The following SOX5 variants were observed in gnomAD, a reference collection of about 807,000 sequenced individuals.
SOX5 encodes the protein SRY-box transcription factor 5.
SOX5 carries 9 observed loss-of-function variants against 92.0 expected under a neutral mutation model. The ratio of observed to expected loss-of-function variants is 0.10; its 90% CI spans 0.06 to 0.17. SOX5 has a LOEUF of 0.17. Ranked by LOEUF, SOX5 falls within the 10% of genes least tolerant of loss-of-function variation. The pLI is 1.00. For synonymous variants in SOX5, 344 were observed against 336.3 expected (o/e 1.02, Z -0.25); for missense variants, 642 against 944.5 (o/e 0.68, Z 4.20).
chr12:24,346,955 T>C (rs7977171), intron 2 of SOX5, among the ~76,000 whole-genome samples: 74,315 of 151,832 alleles, frequency 0.49, 19,092 homozygotes, highest in Non-Finnish European at 0.59. Context: ...TGCAGCACAC[T>C]AACACGGCAC....
At chr12:24,532,841 T>G (rs1951310132) in intron 1 of SOX5, among the ~76,000 whole-genome samples, 1 of 152,188 alleles carries the variant, frequency 6.6e-6, no homozygotes, top group Non-Finnish European at 1.5e-5. Flanking sequence ...TGGAGGACAC[T>G]AAATGAATCA....
intron 2 of SOX5, among the ~76,000 whole-genome samples, chr12:24,306,091 T>C (rs1450172350): frequency 6.6e-6 from 1 of 152,192 alleles, no homozygotes; most frequent in Non-Finnish European, 1.5e-5. Flanking sequence ...TGTATCACTC[T>C]CTGCTTAAGA....
chr12:24,364,608 T>C (rs1048636437), intron 2 of SOX5, among the ~76,000 whole-genome samples: 5 of 149,776 alleles, frequency 3.3e-5, no homozygotes, highest in African/African-American at 1.2e-4. Context: ...CCAAACTCTA[T>C]TGATGACTGA....
At chr12:23,755,123 G>GCTGGATGT (rs2094321690) in intron 4 of SOX5, among the ~76,000 whole-genome samples, 1 of 151,674 alleles carries the variant, frequency 6.6e-6, no homozygotes, top group Admixed American at 6.6e-5. Flanking sequence ...TAGTTTTATA[G>GCTGGATGT]AACTTTTCTT....
chr12:23,707,552 G>A (rs937213803), intron 6 of SOX5, among the ~76,000 whole-genome samples: 3 of 152,062 alleles, frequency 2.0e-5, no homozygotes, highest in Non-Finnish European at 4.4e-5. Flanking sequence ...AATATACAGA[G>A]AGCAACGATT....
intron 8 of SOX5, among the ~76,000 whole-genome samples, chr12:23,627,146 G>C (rs1233772421): frequency 6.6e-6 from 1 of 152,114 alleles, no homozygotes; most frequent in Non-Finnish European, 1.5e-5. Flanking sequence ...CCTTCCAAGA[G>C]GAATGTTTGT....
intron 1 of SOX5, among the ~76,000 whole-genome samples, chr12:23,907,781 T>C (rs940540789): frequency 1.3e-5 from 2 of 152,028 alleles, no homozygotes; most frequent in Non-Finnish European, 2.9e-5. Flanking sequence ...GGAAAGAATA[T>C]CTATTCAGGC....
chr12:23,621,559 T>C (rs532847821), intron 8 of SOX5, among the ~76,000 whole-genome samples: 5 of 152,274 alleles, frequency 3.3e-5, no homozygotes, highest in African/African-American at 1.2e-4. Context: ...AATTTCCTCC[T>C]ATTTTATTCC....
At chr12:24,297,192 G>A (rs958897996) in intron 2 of SOX5, among the ~76,000 whole-genome samples, 5 of 152,030 alleles carry the variant, frequency 3.3e-5, no homozygotes, top group Non-Finnish European at 7.4e-5. Context: ...CCTGTAATTC[G>A]GTGAAAATTT....
At chr12:24,171,816 A>T (rs1488574930) in intron 4 of SOX5, among the ~76,000 whole-genome samples, 1 of 152,004 alleles carries the variant, frequency 6.6e-6, no homozygotes, top group Non-Finnish European at 1.5e-5. Flanking sequence ...TGGGCAACAC[A>T]GCAAGACCCT....
chr12:24,271,732 T>C (rs956049023), intron 3 of SOX5, among the ~76,000 whole-genome samples: 2 of 152,186 alleles, frequency 1.3e-5, no homozygotes, highest in Non-Finnish European at 2.9e-5. Flanking sequence ...AAAAATTTAT[T>C]TCTCCACTTT....
intron 1 of SOX5, among the ~76,000 whole-genome samples, chr12:24,397,532 C>T (rs1442421971): frequency 1.3e-5 from 2 of 152,038 alleles, no homozygotes; most frequent in Non-Finnish European, 2.9e-5. Flanking sequence ...GTGACCCTTA[C>T]CTTTATGGTG....
chr12:24,194,473 G>A (rs1469051811), intron 4 of SOX5, among the ~76,000 whole-genome samples: 1 of 152,102 alleles, frequency 6.6e-6, no homozygotes, highest in East Asian at 1.9e-4. Context: ...ATGTGTGTGT[G>A]TAAAAACTGG....
At chr12:24,401,179 C>T (rs2136636666) in intron 1 of SOX5, among the ~76,000 whole-genome samples, 1 of 151,994 alleles carries the variant, frequency 6.6e-6, no homozygotes, top group East Asian at 1.9e-4. Context: ...AGGTGAAACC[C>T]TATCTCTAAT....
intron 4 of SOX5, among the ~76,000 whole-genome samples, chr12:24,189,166 A>C (rs187388458): frequency 4.6e-5 from 7 of 152,142 alleles, no homozygotes; most frequent in Non-Finnish European, 1.0e-4. Flanking sequence ...GGCTGTTAGA[A>C]CTTGAATGTC....
At chr12:24,103,367 C>A (rs1453630692) in intron 4 of SOX5, among the ~76,000 whole-genome samples, 1 of 125,664 alleles carries the variant, frequency 8.0e-6, no homozygotes, top group East Asian at 2.4e-4. Context: ...TTTTTTTTTT[C>A]TTCTAAGAGC....
chr12:23,651,087 T>C (rs60834800), intron 7 of SOX5, among the ~76,000 whole-genome samples: 8,123 of 152,132 alleles, frequency 0.053, 706 homozygotes, highest in African/African-American at 0.18. Context: ...AGAAATATTG[T>C]TTCCCCAAAT....
At chr12:23,682,587 C>A (rs2086799483) in intron 6 of SOX5, among the ~76,000 whole-genome samples, 1 of 151,576 alleles carries the variant, frequency 6.6e-6, no homozygotes, top group Non-Finnish European at 1.5e-5. Context: ...TTGAAGATTG[C>A]ACTATTGGGA....
chr12:24,102,703 T>C (rs1946229304), intron 4 of SOX5, among the ~76,000 whole-genome samples: 1 of 152,208 alleles, frequency 6.6e-6, no homozygotes, highest in African/African-American at 2.4e-5. Flanking sequence ...GTCTTCTCAA[T>C]TTATGTGGAC....
Sources: gnomAD v4.1 joint callset for allele counts (sites outside exome capture counted in the v4.1 genomes callset) on GRCh38, gnomAD v4.1.1 for gene constraint, MANE v1.5 for transcripts, NCBI Gene and HGNC (gene_info 2026-07-23, HGNC 2026-07-21) for gene names.